The following CCDC192 variants were observed in gnomAD, a reference collection of about 807,000 sequenced individuals.
CCDC192 encodes the protein coiled-coil domain-containing protein 192.
intron 5 of CCDC192, among the ~76,000 whole-genome samples, chr5:127,820,979 T>C (rs980623982): frequency 4.7e-4 from 71 of 152,284 alleles, no homozygotes; most frequent in African/African-American, 1.7e-3. Context: ...AGCTAGTCCT[T>C]TTCAAACATC....
At chr5:127,877,345 AT>A (rs1165610971) in intron 6 of CCDC192, among the ~76,000 whole-genome samples, 1 of 89,688 alleles carries the variant, frequency 1.1e-5, no homozygotes, top group Non-Finnish European at 2.5e-5. Context: ...TATTCTCTTT[AT>A]TTTTGTGGAT....
chr5:127,816,097 T>A (rs1749013208), intron 5 of CCDC192, among the ~76,000 whole-genome samples: 1 of 152,062 alleles, frequency 6.6e-6, no homozygotes, highest in Non-Finnish European at 1.5e-5. Flanking sequence ...TAGAGAAAAG[T>A]AATGAGGAGG....
intron 5 of CCDC192, among the ~76,000 whole-genome samples, chr5:127,841,711 C>T (rs897109455): frequency 1.3e-5 from 2 of 152,174 alleles, no homozygotes; most frequent in African/African-American, 4.8e-5. Flanking sequence ...TTAGAACAAA[C>T]GGAGTTGTCC....
intron 5 of CCDC192, among the ~76,000 whole-genome samples, chr5:127,837,678 G>A (rs542695945): frequency 1.3e-5 from 2 of 152,286 alleles, no homozygotes; most frequent in South Asian, 2.1e-4. Context: ...TCATTATTTT[G>A]TACTGATGAA....
chr5:127,907,293 TA>T (rs1358552127), intron 6 of CCDC192, among the ~76,000 whole-genome samples: 1 of 152,110 alleles, frequency 6.6e-6, no homozygotes, highest in Non-Finnish European at 1.5e-5. Flanking sequence ...TATATAGGGG[TA>T]TTTTTTTCAA....
chr5:127,737,664 G>C lies in CCDC192; in HGVS notation c.115-16604G>C, dbSNP rs1443606103. On this transcript the variant is annotated intron_variant, in intron 2 of 6. Coordinates refer to ENST00000514853, the MANE Select transcript of CCDC192 (RefSeq NM_001317938.2). ...GGTAGTTAGCTCTTCTTGTTGAATT[G>C]ATCCCTTTACCATTATGTAATGGCC... 8.3e-3 allele frequency among the ~76,000 whole-genome samples: 1,259 copies of C among 151,810 alleles called. 13 individuals carry two copies. Among genetic ancestry groups the C allele is most frequent in the African/African-American group, 0.027 (1,117 of 41,284 alleles).
At chr5:127,770,112 C>T (rs1450655911) in intron 3 of CCDC192, among the ~76,000 whole-genome samples, 1 of 152,102 alleles carries the variant, frequency 6.6e-6, no homozygotes, top group East Asian at 1.9e-4. Context: ...AGAGACTGGA[C>T]CCCACTCTTT....
Position 127,899,413 on chromosome 5 carries a change from G to A in CCDC192, c.535+23752G>A, listed in dbSNP as rs932175028. ...TGCACACATTGGCAGGAGAGGAAAC[G>A]TTTGGAGAGTTTCTGGAACAACATG... On this transcript the variant is annotated intron_variant, in intron 6 of 6. Transcript: ENST00000514853. Among the ~76,000 whole-genome samples the A allele has an allele frequency of 5.9e-5, 9 of 152,266 alleles. No individual in the cohort carries two copies. The East Asian group carries it at 7.7e-4, about 13-fold the overall frequency.
intron 6 of CCDC192, among the ~76,000 whole-genome samples, chr5:127,898,142 C>T: frequency 6.6e-6 from 1 of 151,068 alleles, no homozygotes; most frequent in Admixed American, 6.6e-5. Flanking sequence ...GAGTTTTACT[C>T]TTGTTGCCCA....
intron 6 of CCDC192, among the ~76,000 whole-genome samples, chr5:127,924,832 A>C (rs1314480011): frequency 6.6e-6 from 1 of 152,228 alleles, no homozygotes; most frequent in African/African-American, 2.4e-5. Flanking sequence ...ACAAGTTCTT[A>C]GTAAAATGAC....
chr5:127,795,087 G>T (rs1757084361), intron 3 of CCDC192, among the ~76,000 whole-genome samples: 1 of 152,024 alleles, frequency 6.6e-6, no homozygotes, highest in Admixed American at 6.6e-5. Flanking sequence ...GAGCTCAGGA[G>T]GTCAAGACCA....
chr5:127,724,713 G>A (rs552476324), intron 2 of CCDC192, among the ~76,000 whole-genome samples: 5 of 152,170 alleles, frequency 3.3e-5, no homozygotes, highest in South Asian at 2.1e-4. Context: ...TCAGGGTGTG[G>A]TGGCACGCGC....
intron 5 of CCDC192, among the ~76,000 whole-genome samples, chr5:127,805,716 A>C (rs1264822923): frequency 1.3e-5 from 2 of 152,198 alleles, no homozygotes; most frequent in Non-Finnish European, 2.9e-5. Context: ...ATGTGAGATA[A>C]ATCTAGGAAA....
At chr5:127,751,804 T>C (rs1325612643) in intron 2 of CCDC192, among the ~76,000 whole-genome samples, 4 of 152,206 alleles carry the variant, frequency 2.6e-5, no homozygotes, top group African/African-American at 9.6e-5. Context: ...CTTGGAGGCT[T>C]TACTCATTTC....
At chr5:127,901,833 C>A (rs1195810064) in intron 6 of CCDC192, among the ~76,000 whole-genome samples, 2 of 152,128 alleles carry the variant, frequency 1.3e-5, no homozygotes, top group Non-Finnish European at 2.9e-5. Context: ...TTGTATTCTG[C>A]AACTTTATTT....
intron 1 of CCDC192, among the ~76,000 whole-genome samples, chr5:127,707,342 G>A (rs1193318195): frequency 2.0e-5 from 3 of 151,680 alleles, no homozygotes; most frequent in Non-Finnish European, 2.9e-5. Context: ...AGAGAGAACA[G>A]TGTAGGAGAC....
At chr5:127,901,697 T>C (rs1753042347) in intron 6 of CCDC192, among the ~76,000 whole-genome samples, 1 of 152,214 alleles carries the variant, frequency 6.6e-6, no homozygotes, top group Non-Finnish European at 1.5e-5. Context: ...TCTTTACCAT[T>C]CATCTCTTTC....
At chr5:127,847,805 A>G (rs941297976) in intron 5 of CCDC192, among the ~76,000 whole-genome samples, 3 of 149,600 alleles carry the variant, frequency 2.0e-5, no homozygotes, top group Non-Finnish European at 4.4e-5. Flanking sequence ...CCTGGGCAAC[A>G]GAGTGAGACT....
chr5:127,749,520 T>G (rs944964563), intron 2 of CCDC192, among the ~76,000 whole-genome samples: 10 of 151,966 alleles, frequency 6.6e-5, no homozygotes, highest in Non-Finnish European at 1.0e-4. Flanking sequence ...TTTGCCAGTA[T>G]TTTATTGAGG....
Sources: gnomAD v4.1 joint callset for allele counts (sites outside exome capture counted in the v4.1 genomes callset) on GRCh38, gnomAD v4.1.1 for gene constraint, MANE v1.5 for transcripts, NCBI Gene and HGNC (gene_info 2026-07-23, HGNC 2026-07-21) for gene names.